The following CACNA1D variants were observed in gnomAD, a reference collection of about 807,000 sequenced individuals.
The protein encoded by CACNA1D is voltage-dependent L-type calcium channel subunit alpha-1D.
In CACNA1D, 55 loss-of-function variants were observed where a neutral mutation model predicts 257.1. The ratio of observed to expected loss-of-function variants is 0.21; its 90% CI spans 0.17 to 0.27. The LOEUF (loss-of-function observed/expected upper bound fraction) is 0.27, where lower values mean the gene tolerates loss of function less well. Ranked by LOEUF, CACNA1D falls within the 10% of genes least tolerant of loss-of-function variation. CACNA1D has a pLI of 1.00. For missense variants in CACNA1D, 1,876 were observed against 2,784.0 expected (o/e 0.67, Z 7.34); for synonymous variants, 980 against 1,014.9 (o/e 0.97, Z 0.65).
chr3:53,753,488 C>A, intron 28 of CACNA1D, 84 bp from the exon 29 acceptor site: 1 of 928,768 alleles, frequency 1.1e-6, no homozygotes, highest in Non-Finnish European at 1.8e-6. Context: ...CCCACAGGGG[C>A]ACAGAGGGCT....
chr3:53,702,826 C>T lies in CACNA1D; in HGVS notation c.1390+16C>T. The T allele has an allele frequency of 1.9e-6, 3 of 1,613,924 alleles. No individual in the cohort carries two copies. Among genetic ancestry groups the T allele is most frequent in the Non-Finnish European group, 2.5e-6 (3 of 1,179,954 alleles). ...AAACGAAATAGTATGTAGCGCCTTT[C>T]CTGCCCCTGGCTAGACAGACCCAGT... On this transcript the variant is annotated intron_variant, in intron 9 of 47. Transcript: ENST00000350061.
chr3:53,522,226 G>A (rs1188523396), intron 3 of CACNA1D, among the ~76,000 whole-genome samples: 1 of 152,182 alleles, frequency 6.6e-6, no homozygotes, highest in African/African-American at 2.4e-5. Flanking sequence ...AGCCAGTCCT[G>A]TTGGGCAGCA....
chr3:53,592,864 T>C (rs1418733554), intron 3 of CACNA1D, among the ~76,000 whole-genome samples: 1 of 152,208 alleles, frequency 6.6e-6, no homozygotes, highest in African/African-American at 2.4e-5. Context: ...ATTTTTTGTA[T>C]TTTTAGTAGA....
chr3:53,672,357 GA>G (rs35977176), intron 7 of CACNA1D, among the ~76,000 whole-genome samples: 1 of 152,156 alleles, frequency 6.6e-6, no homozygotes, highest in African/African-American at 2.4e-5. Context: ...AGTTGACCTT[GA>G]AAAAATTTCT....
At chr3:53,638,890 G>C (rs1303455017) in intron 3 of CACNA1D, among the ~76,000 whole-genome samples, 1 of 152,188 alleles carries the variant, frequency 6.6e-6, no homozygotes, top group Non-Finnish European at 1.5e-5. Flanking sequence ...TGGATAACTT[G>C]ACTAACTTTC....
At chr3:53,785,440 C>G (rs2095447552) in intron 39 of CACNA1D, 1 of 152,200 alleles carries the variant, frequency 6.6e-6, no homozygotes, top group African/African-American at 2.4e-5. Flanking sequence ...AGAGGCAGCC[C>G]AAGGAGGCCC....
rs1037704534 is a variant in CACNA1D at position 53,673,502 on chromosome 3, G to T, written c.1220+376G>T. Among the ~76,000 whole-genome samples, 1 of 151,766 alleles carries T rather than the reference G, an allele frequency of 6.6e-6. No individual in the cohort carries two copies. The highest frequency in any genetic ancestry group is 2.4e-5 in the African/African-American group (1 of 41,262). On this transcript the variant is annotated intron_variant, in intron 8 of 47. Transcript: ENST00000350061. The surrounding 1 kb of genome is among the most constrained non-coding windows in gnomAD (Gnocchi z 4.1). Reference sequence around the variant, plus strand: ...AACGATAGCAAAATGAGCTGGATTGGGTGGGCTTTTGGTAGTCCCCATTTG... The same window carrying T: ...AACGATAGCAAAATGAGCTGGATTGTGTGGGCTTTTGGTAGTCCCCATTTG...
chr3:53,718,237 TG>T, intron 9 of CACNA1D, 63 bp from the exon 10 acceptor site: 1 of 1,420,806 alleles, frequency 7.0e-7, no homozygotes, highest in Non-Finnish European at 9.9e-7. Context: ...GGCTCCCACC[TG>T]GCCTGCCTCC....
chr3:53,565,802 T>G (rs781666694), intron 3 of CACNA1D, among the ~76,000 whole-genome samples: 6 of 152,224 alleles, frequency 3.9e-5, no homozygotes, highest in Non-Finnish European at 8.8e-5. Flanking sequence ...ATAGCTGATA[T>G]GTGGTTTGGT....
chr3:53,761,786 G>A (rs886618368), intron 29 of CACNA1D, among the ~76,000 whole-genome samples: 9 of 152,110 alleles, frequency 5.9e-5, no homozygotes, highest in South Asian at 2.1e-4. Context: ...GCGTGTGTGC[G>A]TGGGCGTGCA....
At chr3:53,653,218 T>C (rs72978526) in intron 4 of CACNA1D, among the ~76,000 whole-genome samples, 3,182 of 152,062 alleles carry the variant, frequency 0.021, 107 homozygotes, top group African/African-American at 0.072. Context: ...GCCACTGCAC[T>C]CCAACCTGGG....
rs541639750 is a variant in CACNA1D, at chr3:53,737,868, A to G, written c.2751+2365A>G. Among the ~76,000 whole-genome samples, 16 of 152,332 alleles carry G rather than the reference A, an allele frequency of 1.1e-4. 1 individual carries two copies. The highest frequency in any genetic ancestry group is 1.8e-4 in the Non-Finnish European group (12 of 68,024). On this transcript the variant is annotated intron_variant, in intron 20 of 47. Transcript: ENST00000350061. ...AATACAAGCAAGTCAAGGGTTTTCT[A>G]TTAGTTAGTTTTGTAACTTAGAGAT...
At chr3:53,799,858 T>G in intron 40 of CACNA1D, 1 of 306,188 alleles carries the variant, frequency 3.3e-6, no homozygotes, top group Non-Finnish European at 6.4e-6. Context: ...TCGGCCAGGC[T>G]GTGCTCCTTG....
At chr3:53,802,068 T>C in intron 42 of CACNA1D, 79 bp from the exon 43 acceptor site, 1 of 1,240,614 alleles carries the variant, frequency 8.1e-7, no homozygotes, top group Non-Finnish European at 1.2e-6. Flanking sequence ...GGAGGTAGCC[T>C]GATGTTTGCA....
rs1214789964 is a variant in CACNA1D, at chr3:53,698,399, G to GT, written c.1221-4239dup. 6.6e-5 allele frequency among the ~76,000 whole-genome samples: 10 copies of GT among 152,316 alleles called. No individual in the cohort carries two copies. In the South Asian group the frequency reaches 2.1e-3, roughly 32 times the overall value. On this transcript the variant is annotated intron_variant, in intron 8 of 47. Transcript: ENST00000350061. ...AGCTACTGAAAAGAGTTCAGCATTT[G>GT]TTTGTAGTTCATCCCTCACTCCAAT...
chr3:53,795,519 C>T (rs1451883905), intron 40 of CACNA1D, among the ~76,000 whole-genome samples: 1 of 152,184 alleles, frequency 6.6e-6, no homozygotes, highest in Non-Finnish European at 1.5e-5. Flanking sequence ...CATTTGGGCA[C>T]ATAATTTAAC....
chr3:53,546,380 G>GT (rs994050016), intron 3 of CACNA1D, among the ~76,000 whole-genome samples: 1 of 151,178 alleles, frequency 6.6e-6, no homozygotes, highest in Non-Finnish European at 1.5e-5. Flanking sequence ...TTTGGGGTAG[G>GT]GTTCCCCAAA....
rs2095133118 is a variant in CACNA1D, at chr3:53,743,090, G to T, written c.2891G>T (p.Gly964Val). ...AATTTGCTGGATATGCTGGTGGTTG[G>T]GGTGTCTCTGGTGTCATTTGGGATT... is the stretch of plus-strand genomic sequence containing the variant. ...YFNLLDMLVV[G>V]VSLVSFGIQS... Residue 964 changes from glycine to valine, a missense_variant, in exon 22 of 48, where the codon GGG (glycine) becomes GTG (valine). Around this residue, in one of 10 missense-constraint regions of CACNA1D, gnomAD observed 271 missense variants for 425.5 expected, o/e 0.64. Coordinates refer to ENST00000350061, the MANE Select transcript of CACNA1D (RefSeq NM_001128840.3). The T allele has an allele frequency of 1.9e-6, 3 of 1,613,384 alleles. No homozygotes were observed. Among genetic ancestry groups the T allele is most frequent in the Non-Finnish European group, 1.7e-6 (2 of 1,179,318 alleles).
intron 12 of CACNA1D, among the ~76,000 whole-genome samples, chr3:53,722,740 G>A (rs549840011): frequency 4.6e-5 from 7 of 152,296 alleles, no homozygotes; most frequent in Admixed American, 3.9e-4. Context: ...TCTTGAAGCT[G>A]GAAGGGACCT....
Sources: allele counts gnomAD v4.1 joint callset (sites outside exome capture counted in the v4.1 genomes callset), GRCh38; gene constraint gnomAD v4.1.1; regional missense constraint gnomAD v4.1.1; non-coding constraint Gnocchi (gnomAD v3.1); transcripts MANE v1.5; gene names NCBI Gene and HGNC (gene_info 2026-07-23, HGNC 2026-07-21).